Variants in SSBP2 observed in about 807,000 individuals in gnomAD.
The protein encoded by SSBP2 is single-stranded DNA-binding protein 2.
SSBP2 carries 17 observed loss-of-function variants against 61.8 expected under a neutral mutation model. The observed-to-expected ratio is 0.28, with a 90% CI of 0.19 to 0.41. SSBP2 has a LOEUF of 0.41. SSBP2 is among the 10% of genes least tolerant of loss of function. The probability of loss-of-function intolerance (pLI) is 1.00; values close to 1 mark genes in which losing one functional copy is unlikely to be tolerated. For missense variants in SSBP2, 310 were observed against 458.7 expected (o/e 0.68, Z 2.96); for synonymous variants, 139 against 141.3 (o/e 0.98, Z 0.12).
At chr5:81,434,433 G>A (rs904866508) in intron 15 of SSBP2, among the ~76,000 whole-genome samples, 1 of 151,930 alleles carries the variant, frequency 6.6e-6, no homozygotes, top group Non-Finnish European at 1.5e-5. Context: ...CGAGGTGGAT[G>A]GATCACCTGA....
chr5:81,590,990 T>C (rs966731560), intron 4 of SSBP2, among the ~76,000 whole-genome samples: 52 of 152,104 alleles, frequency 3.4e-4, no homozygotes, highest in Non-Finnish European at 6.0e-4. Context: ...GCTGAATCAG[T>C]GCAACAGAGA....
At chr5:81,597,383 A>C (rs1304311817) in intron 4 of SSBP2, among the ~76,000 whole-genome samples, 5 of 152,210 alleles carry the variant, frequency 3.3e-5, no homozygotes, top group Non-Finnish European at 7.3e-5. Flanking sequence ...GATGTGGAGA[A>C]ATAGGGACAC....
chr5:81,652,048 G>C (rs1410677660), intron 1 of SSBP2, among the ~76,000 whole-genome samples: 1 of 152,062 alleles, frequency 6.6e-6, no homozygotes, highest in Non-Finnish European at 1.5e-5. Context: ...GGTTAGCATA[G>C]GAAAGAAATC....
At chr5:81,552,669 A>G (rs1358150650) in intron 4 of SSBP2, among the ~76,000 whole-genome samples, 5 of 151,916 alleles carry the variant, frequency 3.3e-5, no homozygotes, top group Admixed American at 3.3e-4. Flanking sequence ...GAAAGAAGAA[A>G]AAAAAAAACC....
intron 5 of SSBP2, among the ~76,000 whole-genome samples, chr5:81,503,700 A>G (rs1193992991): frequency 1.3e-5 from 2 of 152,236 alleles, no homozygotes; most frequent in East Asian, 3.8e-4. Context: ...TAGCAGTACT[A>G]TTCACAATAG....
chr5:81,734,919 C>T (rs542310096), intron 1 of SSBP2, among the ~76,000 whole-genome samples: 33 of 146,126 alleles, frequency 2.3e-4, no homozygotes, highest in Non-Finnish European at 2.2e-4. Flanking sequence ...TGCAGTGAGC[C>T]GAGATCGTGC....
intron 2 of SSBP2, among the ~76,000 whole-genome samples, chr5:81,649,407 T>TG (rs1281175633): frequency 6.6e-6 from 1 of 152,058 alleles, no homozygotes; most frequent in Non-Finnish European, 1.5e-5. Flanking sequence ...TAGATGAAGA[T>TG]GGGGTACATA....
chr5:81,468,760 T>G (rs1253192278), intron 8 of SSBP2, among the ~76,000 whole-genome samples: 2 of 152,006 alleles, frequency 1.3e-5, no homozygotes, highest in African/African-American at 4.8e-5. Context: ...CCTAGTTACA[T>G]GCTATTCTCA....
intron 1 of SSBP2, among the ~76,000 whole-genome samples, chr5:81,706,314 G>A (rs1382231205): frequency 1.3e-5 from 2 of 152,090 alleles, no homozygotes; most frequent in African/African-American, 4.8e-5. Flanking sequence ...AGCAGCAAGA[G>A]GCACTGGGGT....
At chr5:81,543,945 T>C (rs1477348374) in intron 4 of SSBP2, among the ~76,000 whole-genome samples, 1 of 152,208 alleles carries the variant, frequency 6.6e-6, no homozygotes, top group East Asian at 1.9e-4. Flanking sequence ...ATAAACAATA[T>C]ATAATTATAA....
At chr5:81,507,696 G>C (rs1240560186) in intron 5 of SSBP2, among the ~76,000 whole-genome samples, 1 of 151,886 alleles carries the variant, frequency 6.6e-6, no homozygotes, top group East Asian at 1.9e-4. Flanking sequence ...CATAAAGTAG[G>C]AAAAAGCATT....
Position 81,489,258 on chromosome 5 carries a change from G to T in SSBP2, c.424C>A (p.Pro142Thr), listed in dbSNP as rs765683571. Residue 142 changes from proline (P) to threonine (T), a missense_variant, in exon 6 of 17, where the codon CCT becomes ACT. Coordinates refer to ENST00000320672, the MANE Select transcript of SSBP2 (RefSeq NM_012446.5). Reference sequence around the variant, plus strand: ...TAGCACATAAATCTTACCTGATTAGGTATCCTCAATGGGGGCCTTGGACCT... The same window carrying T: ...TAGCACATAAATCTTACCTGATTAGTTATCCTCAATGGGGGCCTTGGACCT... The T allele has an allele frequency of 6.2e-6, 10 of 1,608,618 alleles. No homozygotes were observed. In the Admixed American group the frequency reaches 1.0e-4, roughly 16 times the overall value.
intron 12 of SSBP2, among the ~76,000 whole-genome samples, chr5:81,443,627 A>G (rs1204029137): frequency 3.3e-5 from 5 of 152,182 alleles, no homozygotes; most frequent in African/African-American, 1.2e-4. Flanking sequence ...CAGTGGCACA[A>G]TCTTGGCTCA....
At chr5:81,525,629 A>G (rs1769869664) in intron 4 of SSBP2, among the ~76,000 whole-genome samples, 1 of 151,864 alleles carries the variant, frequency 6.6e-6, no homozygotes, top group South Asian at 2.1e-4. Flanking sequence ...CTAGATCACC[A>G]TTTTTTTATT....
intron 4 of SSBP2, among the ~76,000 whole-genome samples, chr5:81,556,875 G>C (rs1772648413): frequency 6.6e-6 from 1 of 152,060 alleles, no homozygotes; most frequent in Non-Finnish European, 1.5e-5. Context: ...TAGCCCAAAG[G>C]ATTGTTGTGA....
At chr5:81,593,715 T>C (rs1463366183) in intron 4 of SSBP2, among the ~76,000 whole-genome samples, 3 of 152,074 alleles carry the variant, frequency 2.0e-5, no homozygotes, top group African/African-American at 7.2e-5. Flanking sequence ...GAATTTTCAA[T>C]CCAGAATCTC....
intron 1 of SSBP2, among the ~76,000 whole-genome samples, chr5:81,749,613 C>T (rs1477531337): frequency 6.6e-6 from 1 of 152,056 alleles, no homozygotes; most frequent in Non-Finnish European, 1.5e-5. Flanking sequence ...AAGGATAACT[C>T]TGACCCTCAG....
intron 1 of SSBP2, among the ~76,000 whole-genome samples, chr5:81,703,096 C>T (rs374479): frequency 0.55 from 84,362 of 152,062 alleles, 25,101 homozygotes; most frequent in African/African-American, 0.73. Flanking sequence ...GGCTACTTTG[C>T]TAAAGTGGTT....
In SSBP2 at chr5:81,748,579, A is replaced by G. The variant is rs1757506830; in HGVS notation, c.62+2402T>C. On this transcript the variant is annotated intron_variant, in intron 1 of 16. Coordinates refer to ENST00000320672, the MANE Select transcript of SSBP2 (RefSeq NM_012446.5). ...TCAAACAACATTAACCTAGAAATTA[A>G]TGCAACGACAATTAACCCAGAACAG... Among the ~76,000 whole-genome samples, 5 of 152,214 alleles carry G rather than the reference A, an allele frequency of 3.3e-5. No individual in the cohort carries two copies. In the South Asian group the frequency reaches 1.0e-3, roughly 32 times the overall value.
Sources: gnomAD v4.1 joint callset for allele counts (sites outside exome capture counted in the v4.1 genomes callset) on GRCh38, gnomAD v4.1.1 for gene constraint, MANE v1.5 for transcripts, NCBI Gene and HGNC (gene_info 2026-07-23, HGNC 2026-07-21) for gene names.